Variants in PDE6A observed in about 807,000 individuals in gnomAD.
The protein encoded by PDE6A is phosphodiesterase 6A.
PDE6A carries 84 observed loss-of-function variants against 106.3 expected under a neutral mutation model. That is an observed-to-expected ratio of 0.79 (90% confidence interval 0.66 to 0.95). The LOEUF is 0.95. Among genes scored for constraint, PDE6A ranks in the 40% least tolerant of loss-of-function variants. The probability of loss-of-function intolerance (pLI) is 0.00; values close to 1 mark genes in which losing one functional copy is unlikely to be tolerated. For synonymous variants in PDE6A, 394 were observed against 386.6 expected (o/e 1.02, Z -0.23); for missense variants, 1,052 against 1,084.9 (o/e 0.97, Z 0.43).
Position 149,896,782 on chromosome 5 carries a change from A to G in PDE6A, c.1408-6T>C. 6.2e-7 allele frequency: 1 copy of G among 1,614,136 alleles called. No homozygotes were observed. The highest frequency in any genetic ancestry group is 8.5e-7 in the Non-Finnish European group (1 of 1,180,030). ...CCATACACCTCTCTGGTTTTCTGCCAGGACCCAAAATGGCAGGGGAAAAAA... is the reference window on the plus strand; with the variant it reads ...CCATACACCTCTCTGGTTTTCTGCCGGGACCCAAAATGGCAGGGGAAAAAA... On this transcript the variant is annotated splice_region_variant and splice_polypyrimidine_tract_variant and intron_variant, in intron 10 of 21. Coordinates refer to ENST00000255266, the MANE Select transcript of PDE6A (RefSeq NM_000440.3).
intron 11 of PDE6A, 88 bp downstream of exon 11, chr5:149,896,623 C>T: frequency 1.2e-6 from 2 of 1,613,758 alleles, no homozygotes; most frequent in Non-Finnish European, 1.7e-6. Context: ...TGATGGGGAA[C>T]ATGCTTTGCA....
At chr5:149,928,532 G>A (rs746368194) in intron 4 of PDE6A, among the ~76,000 whole-genome samples, 6 of 151,966 alleles carry the variant, frequency 3.9e-5, no homozygotes, top group Non-Finnish European at 5.9e-5. Flanking sequence ...CACCGCGCCC[G>A]GCCTGTATGT....
intron 6 of PDE6A, among the ~76,000 whole-genome samples, chr5:149,912,466 A>G (rs1045354213): frequency 2.6e-5 from 4 of 152,214 alleles, no homozygotes; most frequent in African/African-American, 9.6e-5. Flanking sequence ...CCACTCAAGT[A>G]ATGTGTGGCC....
Position 149,863,300 on chromosome 5 carries a change from G to A in PDE6A, c.2359-34C>T. 1 of 1,612,028 alleles carries A rather than the reference G, an allele frequency of 6.2e-7. No homozygotes were observed. On this transcript the variant is annotated intron_variant, in intron 20 of 21. Coordinates refer to ENST00000255266, the MANE Select transcript of PDE6A (RefSeq NM_000440.3). The surrounding 1 kb of genome is among the most constrained non-coding windows in gnomAD (Gnocchi z 4.7). ...GAGAGTATGTGCCTCTGGTGCAAGG[G>A]CCAGGCCACAGGGTCTGGGCTCAAG... is the stretch of plus-strand genomic sequence containing the variant.
chr5:149,909,633 G>A (rs965996974), intron 6 of PDE6A, among the ~76,000 whole-genome samples: 5 of 152,136 alleles, frequency 3.3e-5, no homozygotes, highest in African/African-American at 1.2e-4. Context: ...TGACTGATAT[G>A]GATGGATGCA....
At chr5:149,923,563 CATAACATAACATAACA>C (rs1433491717) in intron 4 of PDE6A, among the ~76,000 whole-genome samples, 3 of 71,734 alleles carry the variant, frequency 4.2e-5, no homozygotes, top group Admixed American at 1.6e-4. Flanking sequence ...CATAACATAA[CATAACATAACATAACA>C]AACAACAACA....
intron 15 of PDE6A, 60 bp from the exon 16 acceptor site, chr5:149,884,639 C>T (rs2113554096): frequency 6.8e-7 from 1 of 1,476,352 alleles, no homozygotes; most frequent in South Asian, 1.1e-5. Context: ...AAGTCACCCA[C>T]CTACCAATGG....
rs112698971 is a variant in PDE6A at position 149,905,045 on chromosome 5, A to G, written c.1066-1350T>C. ...AATAACCTCTCCAGTGCCAAACCCA[A>G]TGAGGGTTTTCAATTCTCTCACCAG... On this transcript the variant is annotated intron_variant, in intron 7 of 21. Transcript: ENST00000255266. Among the ~76,000 whole-genome samples the G allele has an allele frequency of 6.0e-3, 919 of 152,170 alleles. 6 individuals are homozygous for G. The highest frequency in any genetic ancestry group is 0.02 in the African/African-American group (839 of 41,498).
intron 7 of PDE6A, among the ~76,000 whole-genome samples, chr5:149,905,862 A>G (rs1355290732): frequency 1.3e-5 from 2 of 151,446 alleles, no homozygotes; most frequent in African/African-American, 4.9e-5. Context: ...TTTTCTTTCT[A>G]TTTTTTTCTT....
chr5:149,881,776 G>A (rs927260142), intron 17 of PDE6A, among the ~76,000 whole-genome samples: 14 of 152,128 alleles, frequency 9.2e-5, no homozygotes, highest in African/African-American at 2.9e-4. Context: ...AAATGTGGCT[G>A]GACGTGGTGG....
At position 149,936,867 on chromosome 5, in the gene PDE6A, T is replaced by A. The variant is rs1371519666; in HGVS notation, c.475-2149A>T. On this transcript the variant is annotated intron_variant, in intron 1 of 21. Coordinates refer to ENST00000255266, the MANE Select transcript of PDE6A (RefSeq NM_000440.3). ...GCTAGGGAAAGACCAAAGTGATTCATCCATTCAGTTAGCATTATCAGAGTG... is the reference window on the plus strand; with the variant it reads ...GCTAGGGAAAGACCAAAGTGATTCAACCATTCAGTTAGCATTATCAGAGTG... Among the ~76,000 whole-genome samples, 6 of 152,216 alleles carry A rather than the reference T, an allele frequency of 3.9e-5. No homozygotes were observed. In the East Asian group the frequency reaches 1.2e-3, roughly 29 times the overall value.
Position 149,894,369 on chromosome 5 carries a change from C to T in PDE6A, c.1728+814G>A, listed in dbSNP as rs534483072. 1.9e-4 allele frequency among the ~76,000 whole-genome samples: 29 copies of T among 152,204 alleles called. No homozygotes were observed. In the South Asian group the frequency reaches 4.6e-3, roughly 24 times the overall value. ...CAGAAAATTTCTCTGGGGAAAAGAA[C>T]ACATGATGTGTTTATGGGAGCAGCT... On this transcript the variant is annotated intron_variant, in intron 13 of 21. Transcript: ENST00000255266.
chr5:149,921,613 G>A (rs752670093), intron 5 of PDE6A, 22 bp downstream of exon 5: 2 of 1,587,524 alleles, frequency 1.3e-6, no homozygotes, highest in Non-Finnish European at 8.6e-7. Context: ...AAATCATACT[G>A]AAAAGGTCAG....
In PDE6A at chr5:149,860,354, TTACAA is replaced by T. The variant is rs1341522613; in HGVS notation, c.*536_*540del. On this transcript the variant is annotated 3_prime_UTR_variant, in exon 22 of 22. Coordinates refer to ENST00000255266, the MANE Select transcript of PDE6A (RefSeq NM_000440.3). ...TACTTTTGAAAATGATTGAAAATTT[TTACAA>T]TACATTAACTGAAAGTATAAGAACA... is the stretch of plus-strand genomic sequence containing the variant. The T allele has an allele frequency of 6.6e-6, 1 of 152,378 alleles. No homozygotes were observed. The highest frequency in any genetic ancestry group is 1.5e-5 in the Non-Finnish European group (1 of 68,148). 9.4% of individuals were successfully genotyped at this position (152,378 alleles called of 1,614,324 possible).
At chr5:149,922,703 T>C (rs1415745036) in intron 4 of PDE6A, among the ~76,000 whole-genome samples, 1 of 152,184 alleles carries the variant, frequency 6.6e-6, no homozygotes, top group Non-Finnish European at 1.5e-5. Context: ...TTTATTGCTT[T>C]TGTAATCAGG....
chr5:149,884,332 A>ATG (rs1268452963), intron 16 of PDE6A, 147 bp downstream of exon 16: 5 of 619,058 alleles, frequency 8.1e-6, no homozygotes, highest in Non-Finnish European at 1.4e-5. Flanking sequence ...ATGTGTATAT[A>ATG]TGTATATATA....
chr5:149,884,915 T>A, intron 14 of PDE6A, 48 bp from the exon 15 acceptor site: 2 of 1,421,606 alleles, frequency 1.4e-6, no homozygotes, highest in Non-Finnish European at 2.0e-6. Context: ...AATAGAAAAT[T>A]AGGACTAAAC....
At chr5:149,900,145 G>A (rs1370121610) in intron 8 of PDE6A, among the ~76,000 whole-genome samples, 1 of 151,782 alleles carries the variant, frequency 6.6e-6, no homozygotes, top group Non-Finnish European at 1.5e-5. Flanking sequence ...CTTGATGTCA[G>A]GAGTTTGAGA....
intron 1 of PDE6A, among the ~76,000 whole-genome samples, chr5:149,939,282 G>A (rs1173232714): frequency 6.6e-6 from 1 of 152,116 alleles, no homozygotes; most frequent in Non-Finnish European, 1.5e-5. Context: ...AAAGCAACAG[G>A]CCGTCCCTTA....
Sources: gnomAD v4.1 joint callset for allele counts (sites outside exome capture counted in the v4.1 genomes callset) on GRCh38, gnomAD v4.1.1 for gene constraint, Gnocchi (gnomAD v3.1) non-coding constraint, MANE v1.5 for transcripts, NCBI Gene and HGNC (gene_info 2026-07-23, HGNC 2026-07-21) for gene names.